The following ASTN2 variants were observed in gnomAD, a reference collection of about 807,000 sequenced individuals.
ASTN2 encodes the protein astrotactin-2.
ASTN2 carries 54 observed loss-of-function variants against 139.8 expected under a neutral mutation model. The observed-to-expected ratio is 0.39, with a 90% CI of 0.31 to 0.48. The LOEUF (loss-of-function observed/expected upper bound fraction) is 0.48. Ranked by LOEUF, ASTN2 falls within the 20% of genes least tolerant of loss-of-function variation. ASTN2 has a pLI of 0.95. For synonymous variants in ASTN2, 756 were observed against 719.5 expected, an observed-to-expected ratio of 1.05 and a Z score of -0.81; for missense variants, 1,565 against 1,725.1, an observed-to-expected ratio of 0.91 and a Z score of 1.64.
chr9:116,545,346 T>G (rs1852048523), intron 19 of ASTN2, among the ~76,000 whole-genome samples: 1 of 152,246 alleles, frequency 6.6e-6, no homozygotes, highest in Non-Finnish European at 1.5e-5. Context: ...AGTCTCCACA[T>G]GTACCCACCA....
chr9:117,090,218 G>A (rs941357985), intron 5 of ASTN2, among the ~76,000 whole-genome samples: 3 of 152,196 alleles, frequency 2.0e-5, no homozygotes, highest in African/African-American at 7.2e-5. Flanking sequence ...GGTCCAACAG[G>A]GACTGGAAGG....
At position 116,870,249 on chromosome 9, in the gene ASTN2, G is replaced by T. The variant is rs1201101514; in HGVS notation, c.1890-6516C>A. ...GGAGTTAGGAGTTGAACCCAGGTAG[G>T]TCCAACTCCACATTCTTTCTCCTAC... On this transcript the variant is annotated intron_variant, in intron 10 of 22. Transcript: ENST00000313400. Among the ~76,000 whole-genome samples the T allele has an allele frequency of 2.0e-5, 3 of 152,272 alleles. No individual in the cohort carries two copies. The East Asian group carries it at 5.8e-4, about 29-fold the overall frequency.
At chr9:116,932,959 T>C (rs1164260627) in intron 10 of ASTN2, among the ~76,000 whole-genome samples, 1 of 134,694 alleles carries the variant, frequency 7.4e-6, no homozygotes, top group Non-Finnish European at 1.5e-5. Flanking sequence ...GGAGCCAAGA[T>C]TGAGCCACTG....
intron 1 of ASTN2, among the ~76,000 whole-genome samples, chr9:117,344,377 G>T (rs1351071206): frequency 1.3e-5 from 2 of 152,122 alleles, no homozygotes; most frequent in Non-Finnish European, 2.9e-5. Flanking sequence ...GCTCAGCCAT[G>T]ATAAGTCCAG....
At chr9:117,099,948 T>G (rs1164594222) in intron 4 of ASTN2, among the ~76,000 whole-genome samples, 1 of 152,226 alleles carries the variant, frequency 6.6e-6, no homozygotes, top group African/African-American at 2.4e-5. Flanking sequence ...CCTGCAAAGC[T>G]TGCTTCGTAC....
chr9:117,042,456 G>A (rs1287525256), intron 5 of ASTN2, among the ~76,000 whole-genome samples: 3 of 152,082 alleles, frequency 2.0e-5, no homozygotes, highest in Admixed American at 1.3e-4. Context: ...ACATGAGATT[G>A]TGGTTATTGT....
At chr9:117,088,142 A>T (rs10817995) in intron 5 of ASTN2, among the ~76,000 whole-genome samples, 33,586 of 152,154 alleles carry the variant, frequency 0.22, 4,593 homozygotes, top group Middle Eastern at 0.4. Context: ...TTGTTGCTTG[A>T]TGAGAAGTGA....
At chr9:117,322,418 T>A (rs190288998) in intron 1 of ASTN2, among the ~76,000 whole-genome samples, 1 of 152,208 alleles carries the variant, frequency 6.6e-6, no homozygotes, top group Non-Finnish European at 1.5e-5. Context: ...GGTATGTCTT[T>A]ATGTTAATGT....
chr9:117,107,027 TTCTTA>T (rs1829124797), intron 4 of ASTN2, among the ~76,000 whole-genome samples: 2 of 152,198 alleles, frequency 1.3e-5, no homozygotes, highest in Non-Finnish European at 2.9e-5. Flanking sequence ...TGAGATATTC[TTCTTA>T]TCTTTTTTCC....
intron 2 of ASTN2, among the ~76,000 whole-genome samples, chr9:117,245,770 A>T (rs968306527): frequency 8.5e-5 from 13 of 152,104 alleles, no homozygotes; most frequent in African/African-American, 3.1e-4. Context: ...CTTGCCTAGT[A>T]CATTCTTTCC....
intron 13 of ASTN2, among the ~76,000 whole-genome samples, chr9:116,744,938 G>A (rs1829194457): frequency 6.6e-6 from 1 of 152,114 alleles, no homozygotes; most frequent in African/African-American, 2.4e-5. Flanking sequence ...ACTTCAAGCA[G>A]GCCAAGTCAC....
chr9:116,761,453 C>T (rs779181934), intron 13 of ASTN2, among the ~76,000 whole-genome samples: 11 of 152,088 alleles, frequency 7.2e-5, no homozygotes, highest in South Asian at 2.1e-4. Flanking sequence ...CAGCCTTTCA[C>T]GGAAAGAGGT....
At chr9:117,313,266 G>T (rs375272728) in intron 1 of ASTN2, among the ~76,000 whole-genome samples, 1 of 152,158 alleles carries the variant, frequency 6.6e-6, no homozygotes, top group African/African-American at 2.4e-5. Context: ...CAAAACCTGG[G>T]CTTTGGTTCT....
chr9:116,698,510 G>C lies in ASTN2; in HGVS notation c.2806+27261C>G. Reference sequence around the variant, plus strand: ...AGGCAGATGTAGCACTACTGGAGGAGACAGCTGATGAGGAGGAGCCAGAGC... The same window carrying C: ...AGGCAGATGTAGCACTACTGGAGGACACAGCTGATGAGGAGGAGCCAGAGC... On this transcript the variant is annotated intron_variant, in intron 16 of 22. Coordinates refer to ENST00000313400, the MANE Select transcript of ASTN2 (RefSeq NM_001365068.1). This position sits in a 1 kb window ranked among gnomAD's most constrained non-coding sequence, Gnocchi z 4.4. 6.2e-7 allele frequency: 1 copy of C among 1,613,836 alleles called. No homozygotes were observed. Among genetic ancestry groups the C allele is most frequent in the Non-Finnish European group, 8.5e-7 (1 of 1,180,026 alleles).
chr9:117,148,727 G>T (rs781720232), intron 3 of ASTN2, among the ~76,000 whole-genome samples: 1 of 152,154 alleles, frequency 6.6e-6, no homozygotes, highest in Non-Finnish European at 1.5e-5. Flanking sequence ...TATCTGTGAA[G>T]ATTTTTTATC....
chr9:117,031,786 G>A (rs1838254634), intron 6 of ASTN2, among the ~76,000 whole-genome samples: 1 of 152,074 alleles, frequency 6.6e-6, no homozygotes. Context: ...CCAATATATG[G>A]AGAGGTGGTG....
chr9:117,399,753 C>T (rs1830773314), intron 1 of ASTN2, among the ~76,000 whole-genome samples: 2 of 152,308 alleles, frequency 1.3e-5, no homozygotes, highest in Admixed American at 6.5e-5. Context: ...AAGGTCTTAA[C>T]ACCAGGCAGA....
chr9:116,561,709 A>C (rs1217826012), intron 19 of ASTN2, among the ~76,000 whole-genome samples: 1 of 152,218 alleles, frequency 6.6e-6, no homozygotes, highest in Non-Finnish European at 1.5e-5. Context: ...TATGAGTATC[A>C]AGCTGCATCT....
intron 5 of ASTN2, among the ~76,000 whole-genome samples, chr9:117,083,259 A>T (rs1286422980): frequency 6.6e-6 from 1 of 152,198 alleles, no homozygotes; most frequent in East Asian, 1.9e-4. Flanking sequence ...AGCGTTTCTC[A>T]ATCTGGCTAA....
Sources: gnomAD v4.1 joint callset for allele counts (sites outside exome capture counted in the v4.1 genomes callset) on GRCh38, gnomAD v4.1.1 for gene constraint, Gnocchi (gnomAD v3.1) non-coding constraint, MANE v1.5 for transcripts, NCBI Gene and HGNC (gene_info 2026-07-23, HGNC 2026-07-21) for gene names.